The following PLA2G4F variants were observed in gnomAD, a reference collection of about 807,000 sequenced individuals.
The protein encoded by PLA2G4F is cytosolic phospholipase A2 zeta.
In PLA2G4F, 105 loss-of-function variants were observed where a neutral mutation model predicts 103.1. The ratio of observed to expected loss-of-function variants is 1.02; its 90% CI spans 0.87 to 1.20. The LOEUF (loss-of-function observed/expected upper bound fraction) is 1.20, where lower values mean the gene tolerates loss of function less well. PLA2G4F is among the 50% of genes most tolerant of loss of function. The pLI is 0.00. For missense variants in PLA2G4F, 1,155 were observed against 1,075.9 expected (o/e 1.07, Z -1.03); for synonymous variants, 468 against 441.1 (o/e 1.06, Z -0.76).
intron 18 of PLA2G4F, among the ~76,000 whole-genome samples, chr15:42,142,933 C>G (rs755674158): frequency 5.3e-5 from 8 of 152,040 alleles, no homozygotes; most frequent in African/African-American, 1.2e-4. Context: ...GTAATCCCAG[C>G]ACTTTGGGAG....
chr15:42,141,990 C>T lies in PLA2G4F; in HGVS notation c.2544G>A (p.Gly848=), dbSNP rs757306034. ...CCTCCGCTTCCTGCCTTGGTCAGGCCCCTGCCCTCTCCCGAGCCTGGTGCC... is the reference window on the plus strand; with the variant it reads ...CCTCCGCTTCCTGCCTTGGTCAGGCTCCTGCCCTCTCCCGAGCCTGGTGCC... ...LDRHQARERA[G]A The change falls in exon 20 of 20, where the codon GGG becomes GGA. Residue 848 remains glycine (G), a synonymous_variant. Coordinates refer to ENST00000397272, the MANE Select transcript of PLA2G4F (RefSeq NM_213600.4). 1 of 1,613,426 alleles carries T rather than the reference C, an allele frequency of 6.2e-7. No homozygotes were observed. The highest frequency in any genetic ancestry group is 8.5e-7 in the Non-Finnish European group (1 of 1,179,812).
Position 42,149,012 on chromosome 15 carries a change from C to T in PLA2G4F, c.1059+701G>A, listed in dbSNP as rs1436532803. ...AGGACTCAGGCAGCCTGGAGGAAGC[C>T]GGCAGCCTATTCCTGATCCCCTGTA... On this transcript the variant is annotated intron_variant, in intron 11 of 19. Coordinates refer to ENST00000397272, the MANE Select transcript of PLA2G4F (RefSeq NM_213600.4). 6 of 985,198 alleles carry T rather than the reference C, an allele frequency of 6.1e-6. No homozygotes were observed. The South Asian group carries it at 1.4e-4, about 23-fold the overall frequency. 61.0% of individuals were successfully genotyped at this position (985,198 alleles called of 1,614,324 possible). A position where few individuals can be genotyped will look rare whatever the true frequency, so the allele number is the denominator to read the frequency against.
chr15:42,143,253 TC>T (rs984468712), intron 18 of PLA2G4F, among the ~76,000 whole-genome samples: 1 of 143,054 alleles, frequency 7.0e-6, no homozygotes, highest in African/African-American at 2.7e-5. Flanking sequence ...TCAGTAATGA[TC>T]AACAATCAAT....
rs766348598 is a variant in PLA2G4F at position 42,147,735 on chromosome 15, C to A, written c.1087G>T (p.Gly363Trp). 1 of 1,613,730 alleles carries A rather than the reference C, an allele frequency of 6.2e-7. No individual in the cohort carries two copies. The highest frequency in any genetic ancestry group is 8.5e-7 in the Non-Finnish European group (1 of 1,179,858). The change falls in exon 12 of 20, where the codon GGG becomes TGG. Residue 363 changes from glycine (G) to tryptophan (W), a missense_variant. Transcript: ENST00000397272. The part of the protein sequence containing the change: ...QVPVVAVLGS[G>W]GGTRAMSSLY... ...GAAGACATGGCTCGGGTTCCACCCC[C>A]GGAACCCAACACAGCCACTACAGGC... is the stretch of plus-strand genomic sequence containing the variant.
rs780149439 is a variant in PLA2G4F at position 42,152,645 on chromosome 15, C to T, written c.601+43G>A. On this transcript the variant is annotated intron_variant, in intron 7 of 19. Coordinates refer to ENST00000397272, the MANE Select transcript of PLA2G4F (RefSeq NM_213600.4). ...TCCTTGACATCAGTAGTTCCAACCC[C>T]GGGAGAGAAGGCAAAAGACCCAAGG... The T allele has an allele frequency of 6.3e-5, 97 of 1,548,294 alleles. No homozygotes were observed. The Admixed American group carries it at 8.8e-4, about 14-fold the overall frequency.
chr15:42,153,089 C>T (rs1306167428), intron 6 of PLA2G4F, among the ~76,000 whole-genome samples: 4 of 152,216 alleles, frequency 2.6e-5, no homozygotes, highest in African/African-American at 9.6e-5. Context: ...GAGTAACGTG[C>T]TGTGTGGGAG....
At chr15:42,144,360 C>A in intron 17 of PLA2G4F, 90 bp downstream of exon 17, 1 of 1,530,058 alleles carries the variant, frequency 6.5e-7, no homozygotes, top group South Asian at 1.2e-5. Flanking sequence ...CACACCTCAA[C>A]CCCCAGCCCA....
At chr15:42,146,311 C>G (rs12593970) in intron 13 of PLA2G4F, 70 bp from the exon 14 acceptor site, 10 of 1,419,328 alleles carry the variant, frequency 7.0e-6, no homozygotes, top group Non-Finnish European at 9.9e-6. Flanking sequence ...GGCCTGGGGC[C>G]GGCACCCTGC....
At position 42,139,977 on chromosome 15, in the gene PLA2G4F, C is replaced by T. The variant is rs2048814748; in HGVS notation, c.*2007G>A. ...GGGACAGACGCTGGCCTCTGCAACC[C>T]TGGGGCTGCTGATCACATAGCTGAA... On this transcript the variant is annotated 3_prime_UTR_variant, in exon 20 of 20. Transcript: ENST00000397272. The T allele has an allele frequency of 6.6e-6, 1 of 152,390 alleles. No homozygotes were observed. The highest frequency in any genetic ancestry group is 2.1e-4 in the South Asian group (1 of 4,830). The allele number at this position is 152,390 out of a possible 1,614,324, so 9.4% of individuals were successfully genotyped here.
In PLA2G4F at chr15:42,141,309, C is replaced by G. The variant is rs1379792702; in HGVS notation, c.*675G>C. ...GAAGCCTGGGTAACTGGCAGGGAGACACGCGCACATCTCCCACCTGGAGCA... is the reference window on the plus strand; with the variant it reads ...GAAGCCTGGGTAACTGGCAGGGAGAGACGCGCACATCTCCCACCTGGAGCA... On this transcript the variant is annotated 3_prime_UTR_variant, in exon 20 of 20. Transcript: ENST00000397272. The G allele has an allele frequency of 4.4e-6, 2 of 456,594 alleles. No individual in the cohort carries two copies. The highest frequency in any genetic ancestry group is 8.8e-6 in the Non-Finnish European group (2 of 226,980). 28.3% of individuals were successfully genotyped at this position (456,594 alleles called of 1,614,324 possible).
At chr15:42,144,755 C>T in intron 16 of PLA2G4F, 111 bp from the exon 17 acceptor site, 1 of 1,116,938 alleles carries the variant, frequency 9.0e-7, no homozygotes, top group African/African-American at 1.6e-5. Flanking sequence ...CCCCACATCC[C>T]TCCTCCTCCC....
Position 42,144,542 on chromosome 15 carries a change from G to C in PLA2G4F, c.1883C>G (p.Ser628Cys). The C allele has an allele frequency of 6.2e-7, 1 of 1,612,952 alleles. No homozygotes were observed. The highest frequency in any genetic ancestry group is 1.3e-5 in the African/African-American group (1 of 75,034). Residue 628 changes from serine (S) to cysteine (C), a missense_variant, in exon 17 of 20, where the codon TCC becomes TGC. This residue lies in a region of PLA2G4F where 782 missense variants were observed against 692.9 expected (regional missense o/e 1.13). Coordinates refer to ENST00000397272, the MANE Select transcript of PLA2G4F (RefSeq NM_213600.4). ...FSQAVLDIFTSRFTSAQSFNF... is the reference protein window; with the variant it reads ...FSQAVLDIFTCRFTSAQSFNF... ...AAAGCTCTGGGCGGAAGTGAAGCGG[G>C]AGGTGAATATGTCCAGCACAGCCTG...
chr15:42,142,564 G>C lies in PLA2G4F; in HGVS notation c.2293C>G (p.Leu765Val), dbSNP rs779269058. 6.2e-7 allele frequency: 1 copy of C among 1,613,976 alleles called. No individual in the cohort carries two copies. Among genetic ancestry groups the C allele is most frequent in the Non-Finnish European group, 8.5e-7 (1 of 1,179,930 alleles). Residue 765 changes from leucine (L) to valine (V), a missense_variant, in exon 19 of 20, where the codon CTG (leucine) becomes GTG (valine). Leu to Val is a conservative substitution (Grantham distance 32). Coordinates refer to ENST00000397272, the MANE Select transcript of PLA2G4F (RefSeq NM_213600.4). Reference sequence around the variant, plus strand: ...TGTGTGCGGAAGGTACGGTTAACCAGGGGGAAGTGCAGCACAATGGGGGAG... The same window carrying C: ...TGTGTGCGGAAGGTACGGTTAACCACGGGGAAGTGCAGCACAATGGGGGAG... ...PRSPIVLHFP[L>V]VNRTFRTHLA...
chr15:42,148,181 C>CAAAA (rs59009245), intron 11 of PLA2G4F, among the ~76,000 whole-genome samples: 17 of 85,686 alleles, frequency 2.0e-4, no homozygotes, highest in African/African-American at 3.5e-4. Context: ...GACTCCGTCT[C>CAAAA]AAAAAAAAAA....
Position 42,147,527 on chromosome 15 carries a change from A to C in PLA2G4F, c.1196+99T>G, listed in dbSNP as rs139554506. ...TGCCCCTCCTAACACCCTGGGAGGC[A>C]GGATCCCAGCCCCTCAGGGACTCCT... On this transcript the variant is annotated intron_variant, in intron 12 of 19. Transcript: ENST00000397272. The C allele has an allele frequency of 7.8e-4, 1,143 of 1,463,110 alleles. 8 individuals carry two copies. In the African/African-American group the frequency reaches 0.015, roughly 19 times the overall value. 90.6% of individuals were successfully genotyped at this position (1,463,110 alleles called of 1,614,324 possible). A position where few individuals can be genotyped will look rare whatever the true frequency, so the allele number is the denominator to read the frequency against.
Position 42,140,265 on chromosome 15 carries a change from G to A in PLA2G4F, c.*1719C>T, listed in dbSNP as rs2048816776. 2.0e-5 allele frequency: 3 copies of A among 152,204 alleles called. No homozygotes were observed. The South Asian group carries it at 6.2e-4, about 32-fold the overall frequency. 9.4% of individuals were successfully genotyped at this position (152,204 alleles called of 1,614,324 possible). A position where few individuals can be genotyped will look rare whatever the true frequency, so the allele number is the denominator to read the frequency against. On this transcript the variant is annotated 3_prime_UTR_variant, in exon 20 of 20. Transcript: ENST00000397272. Reference sequence around the variant, plus strand: ...GGATACAGCAGTGAACAAAACAGATGGTAGAATGACTTTCTAGGAGCCAGA... The same window carrying A: ...GGATACAGCAGTGAACAAAACAGATAGTAGAATGACTTTCTAGGAGCCAGA...
intron 16 of PLA2G4F, 57 bp from the exon 17 acceptor site, chr15:42,144,701 T>C: frequency 6.8e-7 from 1 of 1,473,836 alleles, no homozygotes; most frequent in Non-Finnish European, 9.0e-7. Context: ...CTTTGCCCAG[T>C]GGTCCTTATA....
At chr15:42,142,398 C>G in intron 19 of PLA2G4F, 130 bp downstream of exon 19, 1 of 1,255,078 alleles carries the variant, frequency 8.0e-7, no homozygotes, top group Non-Finnish European at 1.1e-6. Context: ...AGCAGAGGGC[C>G]ACAGGGGCCA....
At position 42,140,316 on chromosome 15, in the gene PLA2G4F, T is replaced by C. The variant is rs571946319; in HGVS notation, c.*1668A>G. 1 of 152,376 alleles carries C rather than the reference T, an allele frequency of 6.6e-6. No individual in the cohort carries two copies. The highest frequency in any genetic ancestry group is 6.5e-5 in the Admixed American group (1 of 15,304). 9.4% of individuals were successfully genotyped at this position (152,376 alleles called of 1,614,324 possible). Reference sequence around the variant, plus strand: ...GACAGCCTGAGGCTCTAATGGGCACTGAAGAAACACCACAGATTCTAAGTT... The same window carrying C: ...GACAGCCTGAGGCTCTAATGGGCACCGAAGAAACACCACAGATTCTAAGTT... On this transcript the variant is annotated 3_prime_UTR_variant, in exon 20 of 20. Transcript: ENST00000397272.
Sources: allele counts gnomAD v4.1 joint callset (sites outside exome capture counted in the v4.1 genomes callset), GRCh38; gene constraint gnomAD v4.1.1; regional missense constraint gnomAD v4.1.1; transcripts MANE v1.5; gene names NCBI Gene and HGNC (gene_info 2026-07-23, HGNC 2026-07-21).